RREB1: variants seen among roughly 807,000 people sequenced by gnomAD.
RREB1 encodes the protein ras responsive element binding protein 1.
RREB1 carries 27 observed loss-of-function variants against 117.8 expected under a neutral mutation model. The observed-to-expected ratio is 0.23, with a 90% CI of 0.17 to 0.32. The LOEUF is 0.32. Among genes scored for constraint, RREB1 ranks in the 10% least tolerant of loss-of-function variants. RREB1 has a pLI of 1.00. For missense variants in RREB1, 2,577 were observed against 2,378.2 expected, an observed-to-expected ratio of 1.08 and a Z score of -1.74; for synonymous variants, 1,298 against 1,026.7, an observed-to-expected ratio of 1.26 and a Z score of -5.05.
In RREB1 at chr6:7,231,955, G is replaced by C. The variant is rs1303162064; in HGVS notation, c.3808+48G>C. On this transcript the variant is annotated intron_variant, in intron 10 of 12. Coordinates refer to ENST00000379938, the MANE Select transcript of RREB1 (RefSeq NM_001003699.4). ...AGGCAGTGAGTCCTACTTCCTGGTA[G>C]GGGGAGCCACGAGTGGGGGTCAAAA... is the stretch of plus-strand genomic sequence containing the variant. The C allele has an allele frequency of 5.3e-6, 8 of 1,518,672 alleles. 1 individual carries two copies. The Admixed American group carries it at 1.4e-4, about 27-fold the overall frequency. 94.1% of individuals were successfully genotyped at this position (1,518,672 alleles called of 1,614,324 possible). A position where few individuals can be genotyped will look rare whatever the true frequency, so the allele number is the denominator to read the frequency against.
At chr6:7,240,392 T>C (rs1768627088) in intron 10 of RREB1, 46 bp from the exon 11 acceptor site, 2 of 1,526,382 alleles carry the variant, frequency 1.3e-6, no homozygotes, top group Non-Finnish European at 1.8e-6. Context: ...TTCTATTTCA[T>C]TGCAGTAGAA....
intron 1 of RREB1, among the ~76,000 whole-genome samples, chr6:7,109,102 G>A (rs1039284599): frequency 2.0e-4 from 30 of 151,846 alleles, no homozygotes; most frequent in African/African-American, 6.5e-4. Context: ...CGGCCGCCGG[G>A]GCCCGCTCCG....
intron 1 of RREB1, among the ~76,000 whole-genome samples, chr6:7,142,969 G>A (rs1195007935): frequency 6.6e-6 from 1 of 152,216 alleles, no homozygotes; most frequent in African/African-American, 2.4e-5. Flanking sequence ...CCCAGGCGAT[G>A]CAAATACAAA....
chr6:7,158,863 C>T (rs1763512196), intron 1 of RREB1, among the ~76,000 whole-genome samples: 1 of 151,566 alleles, frequency 6.6e-6, no homozygotes, highest in Non-Finnish European at 1.5e-5. Flanking sequence ...TTTTTTCAGA[C>T]TCTTTTTTTT....
At chr6:7,235,640 T>G (rs1163983499) in intron 10 of RREB1, among the ~76,000 whole-genome samples, 2 of 152,232 alleles carry the variant, frequency 1.3e-5, no homozygotes, top group Non-Finnish European at 2.9e-5. Flanking sequence ...AAAATCTAGC[T>G]GAGTTCCAGC....
chr6:7,216,369 AACC>A (rs1766900481), intron 8 of RREB1: 1 of 152,192 alleles, frequency 6.6e-6, no homozygotes, highest in South Asian at 2.1e-4. Context: ...GTCAGGGCCC[AACC>A]GGGTCTGGTA....
chr6:7,143,549 C>G (rs1264826730), intron 1 of RREB1, among the ~76,000 whole-genome samples: 1 of 152,262 alleles, frequency 6.6e-6, no homozygotes, highest in South Asian at 2.1e-4. Flanking sequence ...AGACCCAGCT[C>G]CTGTTGGAAG....
intron 4 of RREB1, chr6:7,184,797 C>T (rs1052774095): frequency 6.6e-5 from 10 of 151,386 alleles, no homozygotes; most frequent in African/African-American, 2.2e-4. Flanking sequence ...CTCCCTGTGG[C>T]TGGTCACTTG....
chr6:7,153,735 C>T (rs1001682197), intron 1 of RREB1, among the ~76,000 whole-genome samples: 9 of 152,122 alleles, frequency 5.9e-5, no homozygotes, highest in African/African-American at 1.4e-4. Flanking sequence ...TCAGGCTAAG[C>T]GAAGCTATGT....
chr6:7,210,696 C>T (rs895147249), intron 6 of RREB1, 108 bp from the exon 7 acceptor site: 2 of 939,628 alleles, frequency 2.1e-6, no homozygotes, highest in Non-Finnish European at 3.1e-6. Flanking sequence ...CCTCATATCT[C>T]TTAACTAAAG....
chr6:7,181,904 C>T lies in RREB1; in HGVS notation c.-8C>T. On this transcript the variant is annotated 5_prime_UTR_variant, in exon 4 of 13. Coordinates refer to ENST00000379938, the MANE Select transcript of RREB1 (RefSeq NM_001003699.4). ...AGAGGCTTCTTAGAAGCTTAAACCCCTGTCCCAATGACGTCAAGTTCGCCC... is the reference window on the plus strand; with the variant it reads ...AGAGGCTTCTTAGAAGCTTAAACCCTTGTCCCAATGACGTCAAGTTCGCCC... The T allele has an allele frequency of 6.2e-7, 1 of 1,614,214 alleles. No homozygotes were observed. Among genetic ancestry groups the T allele is most frequent in the Non-Finnish European group, 8.5e-7 (1 of 1,180,016 alleles).
intron 1 of RREB1, among the ~76,000 whole-genome samples, chr6:7,110,735 T>A (rs1229077035): frequency 6.6e-6 from 1 of 152,266 alleles, no homozygotes; most frequent in Non-Finnish European, 1.5e-5. Context: ...TGAACTTGCA[T>A]TGTCTTTGTC....
chr6:7,179,878 T>C (rs1318587312), intron 2 of RREB1, among the ~76,000 whole-genome samples: 1 of 152,154 alleles, frequency 6.6e-6, no homozygotes, highest in Non-Finnish European at 1.5e-5. Context: ...CTCGAACTCC[T>C]GGGTTCGAGT....
chr6:7,160,696 T>G (rs1763614566), intron 1 of RREB1, among the ~76,000 whole-genome samples: 1 of 150,356 alleles, frequency 6.7e-6, no homozygotes, highest in Non-Finnish European at 1.5e-5. Context: ...TTTCTTTTTT[T>G]TTTCTTTTTG....
chr6:7,231,127 G>C lies in RREB1; in HGVS notation c.3028G>C (p.Gly1010Arg), dbSNP rs371215041. The C allele has an allele frequency of 5.1e-5, 83 of 1,612,778 alleles. 3 individuals are homozygous for C. The highest frequency in any genetic ancestry group is 4.7e-4 in the South Asian group (43 of 91,066). ...GGAACCCCCAGCACAGCCCCTGCAG[G>C]GCCCTGTTCAGCTGGCGGTCCCAAT... Reference protein sequence around the residue: ...TPEPPAQPLQGPVQLAVPIYS... With the variant: ...TPEPPAQPLQRPVQLAVPIYS... Residue 1010 changes from glycine (G) to arginine (R), a missense_variant, in exon 10 of 13, where the codon GGC becomes CGC. Physicochemically the swap from Gly to Arg is moderately radical, Grantham distance 125 (BLOSUM62 -2). Coordinates refer to ENST00000379938, the MANE Select transcript of RREB1 (RefSeq NM_001003699.4).
chr6:7,246,364 C>T, intron 11 of RREB1, 60 bp from the exon 12 acceptor site: 1 of 1,396,158 alleles, frequency 7.2e-7, no homozygotes, highest in South Asian at 1.5e-5. Context: ...GGCGACATCC[C>T]TGGCATGGGC....
chr6:7,124,694 A>G (rs1761834561), intron 1 of RREB1, among the ~76,000 whole-genome samples: 1 of 152,288 alleles, frequency 6.6e-6, no homozygotes, highest in South Asian at 2.1e-4. Flanking sequence ...CAGTAGAAGC[A>G]GCAGTCATAA....
rs146913726 is a variant in RREB1, at chr6:7,230,549, C to T, written c.2450C>T (p.Pro817Leu). The part of the protein sequence containing the change: ...HHILKQHLHV[P>L]EQDIESYVLA... ...ATCCTCAAGCAGCACCTGCACGTGCCCGAGCAGGACATCGAGAGCTACGTG... is the reference window on the plus strand; with the variant it reads ...ATCCTCAAGCAGCACCTGCACGTGCTCGAGCAGGACATCGAGAGCTACGTG... The change falls in exon 10 of 13, where the codon CCC becomes CTC. Residue 817 changes from proline (P) to leucine (L), a missense_variant. Pro to Leu is a moderately conservative substitution (Grantham distance 98, BLOSUM62 -3). Transcript: ENST00000379938. The T allele has an allele frequency of 1.3e-6, 2 of 1,599,148 alleles. No individual in the cohort carries two copies. Among genetic ancestry groups the T allele is most frequent in the Non-Finnish European group, 1.7e-6 (2 of 1,176,462 alleles).
At chr6:7,200,244 ATGTGTGTGTG>A (rs70978945) in intron 6 of RREB1, among the ~76,000 whole-genome samples, 13,498 of 129,332 alleles carry the variant, frequency 0.1, 1,540 homozygotes, top group African/African-American at 0.27. Context: ...ATGTGTGTAT[ATGTGTGTGTG>A]TGTGTGTGTG....
Sources: allele counts gnomAD v4.1 joint callset (sites outside exome capture counted in the v4.1 genomes callset), GRCh38; gene constraint gnomAD v4.1.1; transcripts MANE v1.5; gene names NCBI Gene and HGNC (gene_info 2026-07-23, HGNC 2026-07-21).